Variants in HROB observed in about 807,000 individuals in gnomAD.
The protein encoded by HROB is homologous recombination OB-fold protein.
A neutral mutation model predicts 61.0 loss-of-function variants in HROB; 44 were observed. The observed-to-expected ratio is 0.72, with a 90% CI of 0.57 to 0.93. The LOEUF (loss-of-function observed/expected upper bound fraction) is 0.93, where lower values mean the gene tolerates loss of function less well. Ranked by LOEUF, HROB falls within the 40% of genes least tolerant of loss-of-function variation. The probability of loss-of-function intolerance (pLI) is 0.00; values close to 1 mark genes in which losing one functional copy is unlikely to be tolerated. For missense variants in HROB, 716 were observed against 796.2 expected, an observed-to-expected ratio of 0.90 and a Z score of 1.21; for synonymous variants, 301 against 310.4, an observed-to-expected ratio of 0.97 and a Z score of 0.32.
chr17:44,157,405 C>CTTTT (rs71160088), intron 8 of HROB, among the ~76,000 whole-genome samples: 17 of 81,470 alleles, frequency 2.1e-4, no homozygotes, highest in African/African-American at 6.1e-4. Flanking sequence ...CATCATGTTT[C>CTTTT]TTTTTTTTTT....
In HROB at chr17:44,154,839, T is replaced by C. The variant is rs747943849; in HGVS notation, c.1559-14T>C. On this transcript the variant is annotated splice_polypyrimidine_tract_variant and intron_variant, in intron 6 of 9. Coordinates refer to ENST00000585683, the MANE Select transcript of HROB (RefSeq NM_001171251.3). Reference sequence around the variant, plus strand: ...CCTTGACCCCGAGACTGATGGGCCATGTGGTATTTGCAGGAGAGATGCAGG... The same window carrying C: ...CCTTGACCCCGAGACTGATGGGCCACGTGGTATTTGCAGGAGAGATGCAGG... 4 of 1,613,406 alleles carry C rather than the reference T, an allele frequency of 2.5e-6. No homozygotes were observed. The highest frequency in any genetic ancestry group is 4.5e-5 in the East Asian group (2 of 44,856).
At chr17:44,142,555 C>T (rs979396835) in intron 1 of HROB, among the ~76,000 whole-genome samples, 1 of 148,742 alleles carries the variant, frequency 6.7e-6, no homozygotes, top group African/African-American at 2.5e-5. Context: ...CAACCGTCGT[C>T]TCCCGCCCAC....
intron 2 of HROB, among the ~76,000 whole-genome samples, chr17:44,145,485 G>A (rs1203720530): frequency 6.6e-6 from 1 of 152,164 alleles, no homozygotes; most frequent in African/African-American, 2.4e-5. Flanking sequence ...AATTATAAGG[G>A]CTCTTTCCTG....
At chr17:44,154,409 G>T (rs2144033604) in intron 5 of HROB, 147 bp from the exon 6 acceptor site, 1 of 681,116 alleles carries the variant, frequency 1.5e-6, no homozygotes. Context: ...GAGAGAGATG[G>T]GGTACCTCCT....
chr17:44,155,432 CGGG>C lies in HROB; in HGVS notation c.1770+22_1770+24del. The C allele has an allele frequency of 3.7e-6, 6 of 1,612,714 alleles. No individual in the cohort carries two copies. The South Asian group carries it at 6.6e-5, about 18-fold the overall frequency. On this transcript the variant is annotated intron_variant, in intron 8 of 9. Transcript: ENST00000585683. ...CCAAGGTAAGAGGAGCAGGAAGAAA[CGGG>C]AGACTGGTAAGGCCCTCCTTCTGCC...
intron 8 of HROB, among the ~76,000 whole-genome samples, chr17:44,157,292 G>T (rs1468624326): frequency 2.0e-5 from 3 of 151,938 alleles, no homozygotes; most frequent in Non-Finnish European, 4.4e-5. Context: ...GCCAAAAGAG[G>T]TTTGTTTTTT....
intron 3 of HROB, among the ~76,000 whole-genome samples, chr17:44,150,355 G>C (rs1380278226): frequency 6.6e-6 from 1 of 151,374 alleles, no homozygotes; most frequent in Non-Finnish European, 1.5e-5. Flanking sequence ...CTGCCCCTTT[G>C]CTCATCACAG....
At chr17:44,144,144 A>AT (rs869302838) in intron 1 of HROB, among the ~76,000 whole-genome samples, 86 of 129,394 alleles carry the variant, frequency 6.6e-4, no homozygotes, top group Middle Eastern at 4.3e-3. Context: ...GGCCCGGCTA[A>AT]TTTTTTTTTT....
At chr17:44,147,539 G>A (rs375741448) in intron 2 of HROB, among the ~76,000 whole-genome samples, 1 of 149,498 alleles carries the variant, frequency 6.7e-6, no homozygotes, top group East Asian at 2.0e-4. Context: ...TCAGGTTGAA[G>A]TGATTCTCCT....
Position 44,152,796 on chromosome 17 carries a change from G to A in HROB, c.1449+19G>A. ...GCGCAAGGTAAGGATTCTGGGTGCT[G>A]AGACCCAAAGGAAAGACCATTTTTC... On this transcript the variant is annotated intron_variant, in intron 5 of 9. Coordinates refer to ENST00000585683, the MANE Select transcript of HROB (RefSeq NM_001171251.3). The A allele has an allele frequency of 1.2e-6, 2 of 1,609,636 alleles. No individual in the cohort carries two copies. Among genetic ancestry groups the A allele is most frequent in the Non-Finnish European group, 1.7e-6 (2 of 1,177,976 alleles).
rs748268833 is a variant in HROB, at chr17:44,145,256, A to G, written c.54+3A>G. ...TGGAAGAGGAGTTTGAAGATGAGGT[A>G]GGGAAGTGTTGATGATCAGAGGTGG... On this transcript the variant is annotated splice_donor_region_variant and intron_variant, in intron 2 of 9. Transcript: ENST00000585683. 4.3e-6 allele frequency: 7 copies of G among 1,613,534 alleles called. No individual in the cohort carries two copies. The South Asian group carries it at 6.6e-5, about 15-fold the overall frequency.
Position 44,141,983 on chromosome 17 carries a change from A to G in HROB, c.-160A>G, listed in dbSNP as rs1399903357. ...GGCGCCTGCCGCCAGTCTCCTGGCG[A>G]CTTTCCCTATATCGCAGAGACTCAT... On this transcript the variant is annotated 5_prime_UTR_variant, in exon 1 of 10. Transcript: ENST00000585683. The G allele has an allele frequency of 1.9e-6, 2 of 1,040,984 alleles. No homozygotes were observed. Among genetic ancestry groups the G allele is most frequent in the Non-Finnish European group, 2.7e-6 (2 of 748,498 alleles). 64.5% of individuals were successfully genotyped at this position (1,040,984 alleles called of 1,614,324 possible). A position where few individuals can be genotyped will look rare whatever the true frequency, so the allele number is the denominator to read the frequency against.
At position 44,148,423 on chromosome 17, in the gene HROB, G is replaced by T. The variant is rs1205864323; in HGVS notation, c.620G>T (p.Gly207Val). 6.2e-7 allele frequency: 1 copy of T among 1,614,134 alleles called. No homozygotes were observed. The highest frequency in any genetic ancestry group is 8.5e-7 in the Non-Finnish European group (1 of 1,180,018). ...AAAGCCCGGGTAGTTGATCTGAGTG[G>T]ATCTTGCCAGAAGGGGCCTGTGCCT... ...AKKARVVDLS[G>V]SCQKGPVPAI... The change falls in exon 3 of 10, where the codon GGA becomes GTA. Residue 207 changes from glycine to valine, a missense_variant. Coordinates refer to ENST00000585683, the MANE Select transcript of HROB (RefSeq NM_001171251.3).
chr17:44,157,804 G>C (rs2054015982), intron 8 of HROB, 29 bp from the exon 9 acceptor site: 4 of 1,568,184 alleles, frequency 2.6e-6, no homozygotes, highest in African/African-American at 2.7e-5. Context: ...AGGGACACAG[G>C]CATTGGTAAC....
Position 44,151,014 on chromosome 17 carries a change from C to G in HROB, c.1278C>G (p.Thr426=). The change falls in exon 4 of 10, where the codon ACC becomes ACG. Residue 426 remains threonine (T), a synonymous_variant. Coordinates refer to ENST00000585683, the MANE Select transcript of HROB (RefSeq NM_001171251.3). ...DIMVSAPQTP[T]HGALAKFQTE... is the part of the protein sequence containing the mutation. ...TGGTTTCCGCGCCCCAAACTCCAAC[C>G]CATGGTGCTCTGGCTAAATTCCAGA... 1.2e-6 allele frequency: 2 copies of G among 1,613,286 alleles called. No individual in the cohort carries two copies. Among genetic ancestry groups the G allele is most frequent in the Non-Finnish European group, 1.7e-6 (2 of 1,179,794 alleles).
intron 4 of HROB, 27 bp downstream of exon 4, chr17:44,151,071 G>C (rs765215457): frequency 6.3e-7 from 1 of 1,581,822 alleles, no homozygotes; most frequent in Non-Finnish European, 8.7e-7. Flanking sequence ...TTAACTTTCT[G>C]GGTGTGATTT....
At chr17:44,157,020 A>T (rs2053991049) in intron 8 of HROB, among the ~76,000 whole-genome samples, 1 of 151,490 alleles carries the variant, frequency 6.6e-6, no homozygotes. Context: ...CTAGTCTCAA[A>T]CTCCCGACCT....
intron 1 of HROB, among the ~76,000 whole-genome samples, chr17:44,144,741 CT>C (rs5820524): frequency 0.45 from 57,947 of 128,776 alleles, 14,622 homozygotes; most frequent in East Asian, 0.75. Flanking sequence ...ATACTTGGGT[CT>C]TTTTTTTTTT....
intron 2 of HROB, 122 bp downstream of exon 2, chr17:44,145,375 C>A: frequency 8.6e-7 from 1 of 1,168,490 alleles, no homozygotes. Context: ...ATGTTTTTGC[C>A]TGTGAGGTGC....
Sources: allele counts gnomAD v4.1 joint callset (sites outside exome capture counted in the v4.1 genomes callset), GRCh38; gene constraint gnomAD v4.1.1; transcripts MANE v1.5; gene names NCBI Gene and HGNC (gene_info 2026-07-23, HGNC 2026-07-21).